Variants in WSCD2 observed in about 807,000 individuals in gnomAD.
The protein encoded by WSCD2 is WSC domain sialate O sulfotransferase 2.
WSCD2 carries 28 observed loss-of-function variants against 55.7 expected under a neutral mutation model. That is an observed-to-expected ratio of 0.50 (90% CI 0.37 to 0.69). The LOEUF (loss-of-function observed/expected upper bound fraction) is 0.69. Ranked by LOEUF, WSCD2 falls within the 30% of genes least tolerant of loss-of-function variation. WSCD2 has a pLI of 0.00. For synonymous variants in WSCD2, 301 were observed against 301.9 expected, an observed-to-expected ratio of 1.00 and a Z score of 0.03; for missense variants, 616 against 762.1, an observed-to-expected ratio of 0.81 and a Z score of 2.26.
chr12:108,163,709 G>A (rs1357631587), intron 1 of WSCD2, among the ~76,000 whole-genome samples: 10 of 152,140 alleles, frequency 6.6e-5, no homozygotes, highest in Non-Finnish European at 1.5e-4. Context: ...AAGGGGAGGG[G>A]CCAGGAGCCA....
At chr12:108,215,276 A>G (rs946666027) in intron 4 of WSCD2, among the ~76,000 whole-genome samples, 3 of 152,338 alleles carry the variant, frequency 2.0e-5, no homozygotes, top group East Asian at 3.9e-4. Context: ...GGAATCAGGC[A>G]TAATGTTTCT....
At chr12:108,167,238 C>T (rs554319973) in intron 1 of WSCD2, among the ~76,000 whole-genome samples, 114 of 152,250 alleles carry the variant, frequency 7.5e-4, no homozygotes, top group African/African-American at 2.5e-3. Context: ...GCACAAAATA[C>T]AATAACCAAG....
chr12:108,207,533 C>CTTTTTT (rs35090663), intron 3 of WSCD2, among the ~76,000 whole-genome samples: 5 of 53,624 alleles, frequency 9.3e-5, no homozygotes, highest in African/African-American at 4.3e-4. Context: ...CCATGCCTGG[C>CTTTTTT]TTTTTTTTTT....
chr12:108,210,130 G>C lies in WSCD2; in HGVS notation c.507G>C (p.Leu169=), dbSNP rs1885943661. ...CQDNCAERGY[L]YGGLEFGAEC... ...CAGCAGCCTCCCCCAGGGGTTACCT[G>C]TATGGCGGGCTGGAGTTCGGCGCCG... The change falls in exon 4 of 9, where the codon CTG becomes CTC. Residue 169 remains leucine (L), a synonymous_variant. Coordinates refer to ENST00000547525, the MANE Select transcript of WSCD2 (RefSeq NM_014653.4). The surrounding 1 kb of genome is among the most constrained non-coding windows in gnomAD (Gnocchi z 4.3). The C allele has an allele frequency of 6.2e-7, 1 of 1,614,134 alleles. No homozygotes were observed.
intron 2 of WSCD2, among the ~76,000 whole-genome samples, chr12:108,197,444 G>A (rs1292670100): frequency 6.6e-6 from 1 of 152,136 alleles, no homozygotes; most frequent in African/African-American, 2.4e-5. Context: ...AATGGATCAG[G>A]GGATGTGGAT....
chr12:108,245,257 C>G (rs1304811362), intron 8 of WSCD2, among the ~76,000 whole-genome samples: 2 of 152,200 alleles, frequency 1.3e-5, no homozygotes, highest in African/African-American at 4.8e-5. Context: ...TCTGAGACTC[C>G]TTTTCCCTGT....
intron 4 of WSCD2, among the ~76,000 whole-genome samples, chr12:108,211,820 AT>A (rs59190207): frequency 0.35 from 47,707 of 134,426 alleles, 8,323 homozygotes; most frequent in Middle Eastern, 0.41. Context: ...TGCCTGGCTA[AT>A]TTTTTTTTTT....
At chr12:108,171,443 G>A (rs1880236584) in intron 1 of WSCD2, among the ~76,000 whole-genome samples, 1 of 152,266 alleles carries the variant, frequency 6.6e-6, no homozygotes, top group South Asian at 2.1e-4. Context: ...ACTGCAGTAA[G>A]GTGTGCTGGA....
intron 1 of WSCD2, among the ~76,000 whole-genome samples, chr12:108,185,048 G>C (rs889499143): frequency 6.6e-6 from 1 of 152,056 alleles, no homozygotes. Context: ...GAAAATTAAG[G>C]GTCAGCAAAT....
intron 1 of WSCD2, among the ~76,000 whole-genome samples, chr12:108,183,734 G>A (rs1289899290): frequency 1.3e-5 from 2 of 152,120 alleles, no homozygotes; most frequent in Non-Finnish European, 2.9e-5. Context: ...CGAGGTCAGA[G>A]GTCAGAGGGT....
At chr12:108,173,222 C>G (rs942294620) in intron 1 of WSCD2, among the ~76,000 whole-genome samples, 2 of 152,302 alleles carry the variant, frequency 1.3e-5, no homozygotes, top group East Asian at 3.9e-4. Context: ...GGGGTGCTGT[C>G]GAGATGTCCC....
chr12:108,184,245 C>T (rs777654706), intron 1 of WSCD2, among the ~76,000 whole-genome samples: 5 of 152,104 alleles, frequency 3.3e-5, no homozygotes, highest in African/African-American at 4.8e-5. Context: ...CAAGGTTCTC[C>T]GGGACAGGGG....
intron 4 of WSCD2, among the ~76,000 whole-genome samples, chr12:108,220,925 C>T (rs1444724223): frequency 2.0e-5 from 3 of 152,120 alleles, no homozygotes; most frequent in East Asian, 1.9e-4. Context: ...AACCTGGCTT[C>T]GATCTCACTC....
intron 2 of WSCD2, among the ~76,000 whole-genome samples, chr12:108,203,596 T>C (rs1431149174): frequency 6.6e-6 from 1 of 152,196 alleles, no homozygotes; most frequent in East Asian, 1.9e-4. Flanking sequence ...GCAAATGCTT[T>C]GAAGGCACAA....
chr12:108,148,158 T>C (rs938555606), intron 1 of WSCD2, among the ~76,000 whole-genome samples: 6 of 152,178 alleles, frequency 3.9e-5, no homozygotes, highest in African/African-American at 1.4e-4. Flanking sequence ...ACCTGTGCAT[T>C]GTAGGATGTT....
At chr12:108,134,016 A>G (rs536959679) in intron 1 of WSCD2, among the ~76,000 whole-genome samples, 3 of 152,306 alleles carry the variant, frequency 2.0e-5, no homozygotes, top group African/African-American at 7.2e-5. Flanking sequence ...GATGTTGGGA[A>G]GATAGGGACT....
chr12:108,228,220 A>G (rs1888353748), intron 6 of WSCD2, among the ~76,000 whole-genome samples: 1 of 152,196 alleles, frequency 6.6e-6, no homozygotes, highest in Admixed American at 6.5e-5. Flanking sequence ...CACTCAGCCC[A>G]AAGGAAGCCC....
intron 5 of WSCD2, 75 bp from the exon 6 acceptor site, chr12:108,226,915 G>C (rs1010896667): frequency 6.7e-7 from 1 of 1,494,980 alleles, no homozygotes; most frequent in Non-Finnish European, 9.0e-7. Context: ...TGCAAATCCT[G>C]TTCTCCATTT....
intron 2 of WSCD2, among the ~76,000 whole-genome samples, chr12:108,203,836 G>A (rs1451986257): frequency 6.6e-6 from 1 of 152,160 alleles, no homozygotes; most frequent in Non-Finnish European, 1.5e-5. Flanking sequence ...TCCCCTTCAG[G>A]TCTTGGGGTG....
Sources: allele counts gnomAD v4.1 joint callset (sites outside exome capture counted in the v4.1 genomes callset), GRCh38; gene constraint gnomAD v4.1.1; non-coding constraint Gnocchi (gnomAD v3.1); transcripts MANE v1.5; gene names NCBI Gene and HGNC (gene_info 2026-07-23, HGNC 2026-07-21).